Variants in TNFAIP8L1 observed in about 807,000 individuals in gnomAD.
The protein encoded by TNFAIP8L1 is TNF alpha induced protein 8 like 1, also known as tumor necrosis factor alpha-induced protein 8-like protein 1.
For missense variants in TNFAIP8L1, 225 were observed against 266.1 expected (o/e 0.85, Z 1.08); for synonymous variants, 127 against 125.6 (o/e 1.01, Z -0.08).
intron 1 of TNFAIP8L1, among the ~76,000 whole-genome samples, chr19:4,643,809 C>A (rs2088284591): frequency 6.6e-6 from 1 of 152,088 alleles, no homozygotes; most frequent in Non-Finnish European, 1.5e-5. Context: ...GTGGCAGGTG[C>A]CTGTAATCCC....
chr19:4,645,746 A>C lies in TNFAIP8L1; in HGVS notation c.-4+6117A>C, dbSNP rs1202547459. Among the ~76,000 whole-genome samples the C allele has an allele frequency of 6.7e-6, 1 of 149,936 alleles. No homozygotes were observed. The highest frequency in any genetic ancestry group is 1.9e-4 in the East Asian group (1 of 5,132). The stretch of plus-strand genomic sequence containing the variant: ...AAAGGAATATAGGGAGCAGGGGAAG[A>C]GTCAAGGGAGCCAGGGAGTTGGTGC... On this transcript the variant is annotated intron_variant, in intron 1 of 1. Transcript: ENST00000327473. The surrounding 1 kb of genome is among the most constrained non-coding windows in gnomAD (Gnocchi z 4.1).
chr19:4,649,860 A>T (rs571429096), intron 1 of TNFAIP8L1, among the ~76,000 whole-genome samples: 12 of 152,310 alleles, frequency 7.9e-5, no homozygotes, highest in African/African-American at 2.9e-4. Context: ...CTGACCTCAG[A>T]GGGCGGCCGA....
At chr19:4,643,657 G>T (rs2088283317) in intron 1 of TNFAIP8L1, among the ~76,000 whole-genome samples, 1 of 152,234 alleles carries the variant, frequency 6.6e-6, no homozygotes, top group Non-Finnish European at 1.5e-5. Context: ...ATGGACACTG[G>T]CGAAGTATGG....
intron 1 of TNFAIP8L1, among the ~76,000 whole-genome samples, chr19:4,643,257 C>T (rs749531909): frequency 7.4e-5 from 11 of 149,568 alleles, no homozygotes; most frequent in Non-Finnish European, 1.0e-4. Flanking sequence ...CCAGCCTGGG[C>T]AACAGAGTGA....
In TNFAIP8L1 at chr19:4,652,253, C is replaced by G. The variant is rs749876340; in HGVS notation, c.384C>G (p.His128Gln). The change falls in exon 2 of 2, where the codon CAC (histidine) becomes CAG (glutamine). Residue 128 changes from histidine to glutamine, a missense_variant. Physicochemically the swap from His to Gln is conservative, Grantham distance 24. Coordinates refer to ENST00000327473, the MANE Select transcript of TNFAIP8L1 (RefSeq NM_152362.3). Reference protein sequence around the residue: ...AGLLECRDLLHQAVGPHLTAK... With the variant: ...AGLLECRDLLQQAVGPHLTAK... ...TGCTCGAGTGCCGCGACCTGCTGCA[C>G]CAGGCCGTGGGTCCCCACCTGACCG... 6.4e-7 allele frequency: 1 copy of G among 1,559,418 alleles called. No individual in the cohort carries two copies. Among genetic ancestry groups the G allele is most frequent in the African/African-American group, 1.4e-5 (1 of 73,608 alleles).
chr19:4,646,797 A>AT (rs918581578), intron 1 of TNFAIP8L1, among the ~76,000 whole-genome samples: 5 of 151,918 alleles, frequency 3.3e-5, no homozygotes, highest in African/African-American at 1.2e-4. Context: ...CGCCCCGCTA[A>AT]TTTTTTGTAT....
At chr19:4,644,831 C>A (rs138857722) in intron 1 of TNFAIP8L1, among the ~76,000 whole-genome samples, 1 of 152,098 alleles carries the variant, frequency 6.6e-6, no homozygotes, top group Non-Finnish European at 1.5e-5. Context: ...GGACTCCCGA[C>A]CTAAGGTGAT....
chr19:4,647,395 A>C (rs1349270849), intron 1 of TNFAIP8L1, among the ~76,000 whole-genome samples: 2 of 131,698 alleles, frequency 1.5e-5, no homozygotes, highest in Non-Finnish European at 3.3e-5. Context: ...TGCAACCTCC[A>C]CCTCCCGGGT....
intron 1 of TNFAIP8L1, among the ~76,000 whole-genome samples, chr19:4,651,013 TAAATA>T (rs1485374553): frequency 6.6e-6 from 1 of 151,136 alleles, no homozygotes; most frequent in Admixed American, 6.6e-5. Flanking sequence ...AATAATAAAA[TAAATA>T]AATAATAAAT....
In TNFAIP8L1 at chr19:4,645,706, CA is replaced by C. The variant is rs58019387; in HGVS notation, c.-4+6094del. On this transcript the variant is annotated intron_variant, in intron 1 of 1. Transcript: ENST00000327473. The surrounding 1 kb of genome is among the most constrained non-coding windows in gnomAD (Gnocchi z 4.1). ...GAGGCTGAGGCAGGAGGATCCGTCT[CA>C]AAAAAAAAAAAAAAAAGGAATATAG... Among the ~76,000 whole-genome samples the C allele has an allele frequency of 0.17, 15,903 of 92,698 alleles. 965 individuals are homozygous for C. Among genetic ancestry groups the C allele is most frequent in the African/African-American group, 0.26 (7,169 of 27,212 alleles). The allele number at this position is 92,698 out of a possible 152,430, so 60.8% of individuals were successfully genotyped here. A position where few individuals can be genotyped will look rare whatever the true frequency, so the allele number is the denominator to read the frequency against.
chr19:4,651,444 C>CT (rs2088363616), intron 1 of TNFAIP8L1, among the ~76,000 whole-genome samples: 1 of 151,874 alleles, frequency 6.6e-6, no homozygotes, highest in Admixed American at 6.6e-5. Flanking sequence ...TCCCAGAGCA[C>CT]TGGGACCACA....
intron 1 of TNFAIP8L1, among the ~76,000 whole-genome samples, chr19:4,647,697 C>T (rs527613057): frequency 5.5e-5 from 8 of 146,760 alleles, no homozygotes; most frequent in African/African-American, 2.0e-4. Context: ...TCATAGCTCA[C>T]TGCAGCCTTG....
At chr19:4,640,640 G>A (rs1344165815) in intron 1 of TNFAIP8L1, 1 of 152,300 alleles carries the variant, frequency 6.6e-6, no homozygotes, top group Non-Finnish European at 1.5e-5. Flanking sequence ...GGGATCAGAT[G>A]CAGGAATACA....
chr19:4,648,637 T>C (rs1016551790), intron 1 of TNFAIP8L1, among the ~76,000 whole-genome samples: 2 of 152,198 alleles, frequency 1.3e-5, no homozygotes, highest in Non-Finnish European at 2.9e-5. Context: ...AGGCCCTTCC[T>C]GAATCTGTAA....
chr19:4,644,605 A>ATTTTTTTTT (rs553560316), intron 1 of TNFAIP8L1, among the ~76,000 whole-genome samples: 9 of 88,740 alleles, frequency 1.0e-4, no homozygotes, highest in Non-Finnish European at 1.5e-4. Flanking sequence ...TGAGTCATGG[A>ATTTTTTTTT]TTTTTTTTTT....
chr19:4,649,376 C>A (rs561757133), intron 1 of TNFAIP8L1, among the ~76,000 whole-genome samples: 1 of 151,974 alleles, frequency 6.6e-6, no homozygotes, highest in Non-Finnish European at 1.5e-5. Flanking sequence ...GGGGGCATTG[C>A]GGTTTGGTCA....
At position 4,641,357 on chromosome 19, in the gene TNFAIP8L1, T is replaced by A. The variant is rs1424500345; in HGVS notation, c.-4+1728T>A. ...ACTCCTCCCAGAGAGACGTCAACGC[T>A]AAAAAATGACTCACACTTGCCCAGG... is the stretch of plus-strand genomic sequence containing the variant. On this transcript the variant is annotated intron_variant, in intron 1 of 1. Transcript: ENST00000327473. The surrounding 1 kb of genome is among the most constrained non-coding windows in gnomAD (Gnocchi z 4.6). 6.6e-6 allele frequency: 1 copy of A among 151,954 alleles called. No homozygotes were observed. Among genetic ancestry groups the A allele is most frequent in the Non-Finnish European group, 1.5e-5 (1 of 68,016 alleles). The allele number at this position is 151,954 out of a possible 1,614,324, so 9.4% of individuals were successfully genotyped here.
Position 4,652,946 on chromosome 19 carries a change from A to G in TNFAIP8L1, c.*516A>G, listed in dbSNP as rs1038571732. The G allele has an allele frequency of 1.8e-5, 3 of 168,382 alleles. No homozygotes were observed. The highest frequency in any genetic ancestry group is 7.2e-5 in the African/African-American group (3 of 41,502). The allele number at this position is 168,382 out of a possible 1,614,324, so 10.4% of individuals were successfully genotyped here. A position where few individuals can be genotyped will look rare whatever the true frequency, so the allele number is the denominator to read the frequency against. On this transcript the variant is annotated 3_prime_UTR_variant, in exon 2 of 2. Transcript: ENST00000327473. ...TGGAAATAGGATCATTACAGATGGA[A>G]TTAGTTCAGATGATCTCATCTTGGA... is the stretch of plus-strand genomic sequence containing the variant.
chr19:4,650,479 T>G (rs1210459255), intron 1 of TNFAIP8L1, among the ~76,000 whole-genome samples: 2 of 151,902 alleles, frequency 1.3e-5, no homozygotes, highest in Admixed American at 1.3e-4. Context: ...CTCTGAGATT[T>G]AGGAAGAATT....
Sources: gnomAD v4.1 joint callset for allele counts (sites outside exome capture counted in the v4.1 genomes callset) on GRCh38, gnomAD v4.1.1 for gene constraint, Gnocchi (gnomAD v3.1) non-coding constraint, MANE v1.5 for transcripts, NCBI Gene and HGNC (gene_info 2026-07-23, HGNC 2026-07-21) for gene names.